MACROD2: variants seen among roughly 807,000 people sequenced by gnomAD.
The protein encoded by MACROD2 is mono-ADP ribosylhydrolase 2.
Under a neutral mutation model 70.4 loss-of-function variants are expected in MACROD2, and 36 were observed. The ratio of observed to expected loss-of-function variants is 0.51; its 90% CI spans 0.39 to 0.68. The LOEUF is 0.68. Among genes scored for constraint, MACROD2 ranks in the 30% least tolerant of loss-of-function variants. The pLI is 0.00. For synonymous variants in MACROD2, 172 were observed against 178.8 expected (o/e 0.96, Z 0.30); for missense variants, 496 against 538.4 (o/e 0.92, Z 0.78).
At chr20:14,074,673 C>G (rs1187650788) in intron 2 of MACROD2, among the ~76,000 whole-genome samples, 2 of 152,116 alleles carry the variant, frequency 1.3e-5, no homozygotes, top group Non-Finnish European at 2.9e-5. Flanking sequence ...TGAGGTCTCC[C>G]TGTTCTGTTT....
chr20:15,231,926 G>T (rs1416817852), intron 6 of MACROD2, among the ~76,000 whole-genome samples: 1 of 152,026 alleles, frequency 6.6e-6, no homozygotes, highest in Non-Finnish European at 1.5e-5. Flanking sequence ...TAAAAATGGA[G>T]ATAGAAAATA....
At chr20:14,954,368 A>T (rs2074500601) in intron 5 of MACROD2, among the ~76,000 whole-genome samples, 1 of 151,146 alleles carries the variant, frequency 6.6e-6, no homozygotes, top group Non-Finnish European at 1.5e-5. Flanking sequence ...TTGTAGTAAA[A>T]TGGGAAAAGG....
chr20:16,027,138 C>G (rs1402704311), intron 15 of MACROD2, among the ~76,000 whole-genome samples: 2 of 152,116 alleles, frequency 1.3e-5, no homozygotes, highest in African/African-American at 4.8e-5. Flanking sequence ...AAAATTCTAT[C>G]ATTTTTCTCT....
chr20:14,811,451 G>T (rs112054589), intron 5 of MACROD2, among the ~76,000 whole-genome samples: 1 of 151,798 alleles, frequency 6.6e-6, no homozygotes, highest in African/African-American at 2.4e-5. Context: ...ATGGATTAAA[G>T]ATTTAAATGT....
intron 3 of MACROD2, among the ~76,000 whole-genome samples, chr20:14,087,005 A>T (rs1304789892): frequency 6.6e-6 from 1 of 152,192 alleles, no homozygotes; most frequent in Non-Finnish European, 1.5e-5. Context: ...GAAGGGTCTA[A>T]TGGAGAACTG....
intron 3 of MACROD2, among the ~76,000 whole-genome samples, chr20:14,094,057 A>C (rs1223821053): frequency 4.6e-5 from 7 of 151,918 alleles, no homozygotes; most frequent in Non-Finnish European, 7.4e-5. Flanking sequence ...GATATGTGTT[A>C]GAGAGATCCC....
chr20:15,840,419 C>T (rs568405824), intron 8 of MACROD2, among the ~76,000 whole-genome samples: 2 of 152,234 alleles, frequency 1.3e-5, no homozygotes, highest in South Asian at 4.1e-4. Context: ...CTTCCCCTGC[C>T]CTCTTAAGGA....
chr20:15,112,007 C>G (rs569006598), intron 5 of MACROD2, among the ~76,000 whole-genome samples: 1 of 152,258 alleles, frequency 6.6e-6, no homozygotes, highest in South Asian at 2.1e-4. Context: ...AAAATACACC[C>G]CAGAGTTCAC....
intron 5 of MACROD2, among the ~76,000 whole-genome samples, chr20:15,193,743 G>A (rs943210447): frequency 1.3e-5 from 2 of 151,718 alleles, no homozygotes; most frequent in South Asian, 2.1e-4. Flanking sequence ...CCCCAGCCCC[G>A]CTGTCACTCC....
intron 3 of MACROD2, among the ~76,000 whole-genome samples, chr20:14,354,480 G>C (rs2083154541): frequency 6.6e-6 from 1 of 151,966 alleles, no homozygotes; most frequent in South Asian, 2.1e-4. Context: ...GCCTTTGCTT[G>C]CTATATCCTA....
intron 5 of MACROD2, among the ~76,000 whole-genome samples, chr20:15,067,346 G>GT (rs2075585110): frequency 1.3e-5 from 2 of 151,846 alleles, no homozygotes; most frequent in East Asian, 1.9e-4. Flanking sequence ...GTTTTGTTTT[G>GT]TTTGTTTGTT....
chr20:16,004,029 A>G (rs534299520), intron 15 of MACROD2, among the ~76,000 whole-genome samples: 4 of 152,208 alleles, frequency 2.6e-5, no homozygotes, highest in African/African-American at 9.6e-5. Flanking sequence ...CAGGGACCAC[A>G]GCTTGAGAAC....
At chr20:14,964,530 G>T (rs758390330) in intron 5 of MACROD2, among the ~76,000 whole-genome samples, 2 of 151,694 alleles carry the variant, frequency 1.3e-5, no homozygotes, top group South Asian at 2.1e-4. Flanking sequence ...CCGAGATCGC[G>T]CCACTGCACT....
At chr20:14,323,629 G>A (rs532506585) in intron 3 of MACROD2, 1 of 152,288 alleles carries the variant, frequency 6.6e-6, no homozygotes, top group South Asian at 2.1e-4. Flanking sequence ...TCAATGATCA[G>A]ACTTTATCTT....
At chr20:15,441,420 A>G (rs1372727467) in intron 7 of MACROD2, among the ~76,000 whole-genome samples, 1 of 152,138 alleles carries the variant, frequency 6.6e-6, no homozygotes, top group African/African-American at 2.4e-5. Flanking sequence ...GGGACCTGAC[A>G]AAAGAGATGA....
intron 3 of MACROD2, among the ~76,000 whole-genome samples, chr20:14,378,906 A>G (rs2083397206): frequency 6.6e-6 from 1 of 152,148 alleles, no homozygotes; most frequent in East Asian, 1.9e-4. Context: ...TACAACAAAT[A>G]TTTTTCAAGA....
intron 5 of MACROD2, among the ~76,000 whole-genome samples, chr20:14,840,318 G>A (rs982865870): frequency 6.6e-6 from 1 of 152,172 alleles, no homozygotes; most frequent in East Asian, 1.9e-4. Context: ...GATTACAAGC[G>A]TGAGCCATCA....
At chr20:14,649,544 C>T (rs1985570177) in intron 4 of MACROD2, among the ~76,000 whole-genome samples, 1 of 152,146 alleles carries the variant, frequency 6.6e-6, no homozygotes, top group Non-Finnish European at 1.5e-5. Flanking sequence ...GATCCAAGAC[C>T]TTAGCTCAGT....
chr20:15,869,228 T>TAGAGAGAG (rs1336136214), intron 9 of MACROD2, among the ~76,000 whole-genome samples: 3 of 43,946 alleles, frequency 6.8e-5, no homozygotes, highest in African/African-American at 6.2e-5. Flanking sequence ...TATATATATA[T>TAGAGAGAG]ATATATATAT....
Sources: allele counts gnomAD v4.1 joint callset (sites outside exome capture counted in the v4.1 genomes callset), GRCh38; gene constraint gnomAD v4.1.1; transcripts MANE v1.5; gene names NCBI Gene and HGNC (gene_info 2026-07-23, HGNC 2026-07-21).